Variants in SAMD12 observed in about 807,000 individuals in gnomAD.
SAMD12 encodes the protein sterile alpha motif domain containing 12, also known as sterile alpha motif domain-containing protein 12.
Under a neutral mutation model 15.0 loss-of-function variants are expected in SAMD12, and 9 were observed. The observed-to-expected ratio is 0.60, with a 90% CI of 0.36 to 1.05. SAMD12 has a LOEUF of 1.05. Among genes scored for constraint, SAMD12 ranks in the 50% least tolerant of loss-of-function variants. SAMD12 has a pLI of 0.01. For missense variants in SAMD12, 230 were observed against 234.2 expected, an observed-to-expected ratio of 0.98 and a Z score of 0.12; for synonymous variants, 86 against 90.1, an observed-to-expected ratio of 0.96 and a Z score of 0.25.
At chr8:118,345,783 G>A (rs908202707) in intron 4 of SAMD12, among the ~76,000 whole-genome samples, 2 of 152,208 alleles carry the variant, frequency 1.3e-5, no homozygotes, top group Non-Finnish European at 2.9e-5. Flanking sequence ...GGTTAGTCTA[G>A]GCATACAAAG....
At chr8:118,313,633 A>AT (rs1815739844) in intron 4 of SAMD12, among the ~76,000 whole-genome samples, 1 of 152,142 alleles carries the variant, frequency 6.6e-6, no homozygotes, top group Non-Finnish European at 1.5e-5. Context: ...GACTAAAAAA[A>AT]GCAATATGGT....
At chr8:118,327,866 A>G (rs1816635996) in intron 4 of SAMD12, among the ~76,000 whole-genome samples, 1 of 152,148 alleles carries the variant, frequency 6.6e-6, no homozygotes, top group Non-Finnish European at 1.5e-5. Flanking sequence ...CAGAAGAGGA[A>G]TCTTGAGCTT....
At chr8:118,497,487 G>T (rs1481648214) in intron 2 of SAMD12, among the ~76,000 whole-genome samples, 4 of 152,128 alleles carry the variant, frequency 2.6e-5, no homozygotes, top group African/African-American at 7.2e-5. Context: ...AATGCCTCAT[G>T]TTCTCACTTA....
At chr8:118,401,551 T>A (rs1215698059) in intron 3 of SAMD12, among the ~76,000 whole-genome samples, 1 of 151,536 alleles carries the variant, frequency 6.6e-6, no homozygotes, top group East Asian at 1.9e-4. Context: ...CTTTTTTTTT[T>A]TTTTTGTATA....
At chr8:118,234,069 T>C (rs1812375177) in intron 4 of SAMD12, among the ~76,000 whole-genome samples, 1 of 152,142 alleles carries the variant, frequency 6.6e-6, no homozygotes, top group Non-Finnish European at 1.5e-5. Context: ...CTTTTTATCT[T>C]AGAGAATTGT....
intron 2 of SAMD12, among the ~76,000 whole-genome samples, chr8:118,508,346 G>A (rs1034004853): frequency 6.6e-6 from 1 of 152,002 alleles, no homozygotes; most frequent in African/African-American, 2.4e-5. Flanking sequence ...ACAACTGCAC[G>A]TTGTGCACAT....
At chr8:118,201,439 T>C (rs1195226003) in intron 4 of SAMD12, among the ~76,000 whole-genome samples, 1 of 152,190 alleles carries the variant, frequency 6.6e-6, no homozygotes, top group Non-Finnish European at 1.5e-5. Context: ...TGTGCGAGTG[T>C]GGCATCTCAA....
At chr8:118,455,706 C>A (rs1482139252) in intron 2 of SAMD12, among the ~76,000 whole-genome samples, 1 of 152,206 alleles carries the variant, frequency 6.6e-6, no homozygotes, top group Non-Finnish European at 1.5e-5. Flanking sequence ...ACTTAACACG[C>A]TCAAAACAAA....
At chr8:118,368,789 C>A (rs1193586396) in intron 4 of SAMD12, among the ~76,000 whole-genome samples, 2 of 152,184 alleles carry the variant, frequency 1.3e-5, no homozygotes, top group African/African-American at 4.8e-5. Flanking sequence ...CCACCTCTCG[C>A]TAGCACTATG....
chr8:118,610,070 T>G (rs1256056468), intron 1 of SAMD12, among the ~76,000 whole-genome samples: 1 of 152,216 alleles, frequency 6.6e-6, no homozygotes, highest in Non-Finnish European at 1.5e-5. Flanking sequence ...GCACAATGAA[T>G]ACTTACTGTT....
At chr8:118,138,876 C>A in the SAMD12 span, among the ~76,000 whole-genome samples, 2 of 152,164 alleles carry the variant, frequency 1.3e-5, no homozygotes, top group African/African-American at 4.8e-5. Flanking sequence ...CTGGTGACTG[C>A]ACAAGCTCCA....
intron 4 of SAMD12, among the ~76,000 whole-genome samples, chr8:118,234,608 G>A (rs1285879368): frequency 1.3e-5 from 2 of 151,474 alleles, no homozygotes; most frequent in Non-Finnish European, 2.9e-5. Flanking sequence ...CTACTTGGGA[G>A]GCTGAGGTAG....
At chr8:118,146,810 A>C in the SAMD12 span, among the ~76,000 whole-genome samples, 1 of 152,190 alleles carries the variant, frequency 6.6e-6, no homozygotes, top group Non-Finnish European at 1.5e-5. Context: ...GTTTTTTGCT[A>C]CTTCTAACTT....
intron 3 of SAMD12, among the ~76,000 whole-genome samples, chr8:118,380,580 T>C (rs185069778): frequency 1.3e-5 from 2 of 152,208 alleles, no homozygotes; most frequent in South Asian, 2.1e-4. Context: ...CTGCAAAAAA[T>C]AAAAAGAGTG....
intron 4 of SAMD12, among the ~76,000 whole-genome samples, chr8:118,349,317 A>G (rs753304556): frequency 1.6e-4 from 25 of 152,236 alleles, no homozygotes; most frequent in Non-Finnish European, 3.4e-4. Context: ...GTCATCCTGG[A>G]AAATGAAGGA....
chr8:118,159,135 G>T, the SAMD12 span, among the ~76,000 whole-genome samples: 1 of 152,050 alleles, frequency 6.6e-6, no homozygotes, highest in African/African-American at 2.4e-5. Flanking sequence ...GAAGAGGGAA[G>T]AACTGTGGCC....
intron 2 of SAMD12, among the ~76,000 whole-genome samples, chr8:118,521,214 T>A (rs1825379915): frequency 6.6e-6 from 1 of 152,172 alleles, no homozygotes; most frequent in Admixed American, 6.5e-5. Flanking sequence ...TAAACATCCA[T>A]CATCCAGCTG....
At chr8:118,211,516 G>A (rs1811825824) in intron 4 of SAMD12, among the ~76,000 whole-genome samples, 1 of 152,218 alleles carries the variant, frequency 6.6e-6, no homozygotes, top group Non-Finnish European at 1.5e-5. Flanking sequence ...AAGGGCCAAG[G>A]AATGTTTAAT....
At chr8:118,559,823 G>A (rs1826655288) in intron 2 of SAMD12, among the ~76,000 whole-genome samples, 1 of 152,078 alleles carries the variant, frequency 6.6e-6, no homozygotes, top group Non-Finnish European at 1.5e-5. Context: ...AAATCTAATG[G>A]GGTGTTGTAA....
Sources: allele counts gnomAD v4.1 joint callset (sites outside exome capture counted in the v4.1 genomes callset), GRCh38; gene constraint gnomAD v4.1.1; transcripts MANE v1.5; gene names NCBI Gene and HGNC (gene_info 2026-07-23, HGNC 2026-07-21).